The following CCSER1 variants were observed in gnomAD, a reference collection of about 807,000 sequenced individuals.
The protein encoded by CCSER1 is serine-rich coiled-coil domain-containing protein 1.
CCSER1 carries 41 observed loss-of-function variants against 82.0 expected under a neutral mutation model. That is an observed-to-expected ratio of 0.50 (90% CI 0.39 to 0.65). CCSER1 has a LOEUF of 0.65. CCSER1 is among the 30% of genes least tolerant of loss of function. The pLI, the probability that CCSER1 is intolerant of heterozygous loss-of-function variation, is 0.00. For synonymous variants in CCSER1, 414 were observed against 383.9 expected (o/e 1.08, Z -0.92); for missense variants, 1,119 against 1,064.2 (o/e 1.05, Z -0.72).
chr4:90,988,334 C>CAAAAAAAAAAAAA (rs60408059), intron 9 of CCSER1, among the ~76,000 whole-genome samples: 3 of 75,384 alleles, frequency 4.0e-5, no homozygotes, highest in African/African-American at 5.8e-5. Context: ...TATCTTGTCT[C>CAAAAAAAAAAAAA]AAAAAAAAAA....
At chr4:91,250,776 T>A (rs1254853492) in intron 10 of CCSER1, among the ~76,000 whole-genome samples, 1 of 152,024 alleles carries the variant, frequency 6.6e-6, no homozygotes, top group East Asian at 1.9e-4. Context: ...GTGAGTGGTA[T>A]TGGAAATTAT....
chr4:91,015,250 A>G (rs1176504198), intron 9 of CCSER1: 1 of 152,114 alleles, frequency 6.6e-6, no homozygotes, highest in African/African-American at 2.4e-5. Context: ...GTGCTTTATT[A>G]TATTAGTACA....
At chr4:91,222,309 G>A (rs929074705) in intron 10 of CCSER1, among the ~76,000 whole-genome samples, 2 of 151,744 alleles carry the variant, frequency 1.3e-5, no homozygotes, top group African/African-American at 4.8e-5. Context: ...AGCCATAATC[G>A]CCACCCTTGA....
chr4:91,408,768 T>A (rs2149368866), intron 10 of CCSER1, among the ~76,000 whole-genome samples: 1 of 152,322 alleles, frequency 6.6e-6, no homozygotes, highest in South Asian at 2.1e-4. Flanking sequence ...AGGAAAATGT[T>A]ATATATCACA....
chr4:90,285,772 G>A (rs567033119), intron 1 of CCSER1, among the ~76,000 whole-genome samples: 8 of 152,028 alleles, frequency 5.3e-5, no homozygotes, highest in African/African-American at 1.9e-4. Flanking sequence ...AGCTAGTTGT[G>A]GATTTGTCAT....
intron 10 of CCSER1, among the ~76,000 whole-genome samples, chr4:91,459,367 A>G (rs1756373905): frequency 6.6e-6 from 1 of 152,152 alleles, no homozygotes; most frequent in African/African-American, 2.4e-5. Context: ...ATATATGTAT[A>G]TAGGCATGAG....
chr4:91,071,608 T>G (rs996061719), intron 9 of CCSER1, among the ~76,000 whole-genome samples: 21 of 152,186 alleles, frequency 1.4e-4, no homozygotes, highest in Non-Finnish European at 2.9e-4. Context: ...CAAATAATCA[T>G]AATCTAGCTA....
intron 1 of CCSER1, among the ~76,000 whole-genome samples, chr4:90,186,237 C>A (rs929975519): frequency 5.9e-5 from 9 of 151,966 alleles, no homozygotes; most frequent in Admixed American, 5.3e-4. Context: ...TGTGTCCCTT[C>A]TCTCATAAAA....
Position 91,604,912 on chromosome 4 carries a change from A to G in CCSER1, c.*5855A>G, listed in dbSNP as rs1288276360. On this transcript the variant is annotated 3_prime_UTR_variant, in exon 11 of 11. Coordinates refer to ENST00000509176, the MANE Select transcript of CCSER1 (RefSeq NM_001145065.2). Reference sequence around the variant, plus strand: ...ATCCTGTCATGAGTTCTCTCTTCCAAAAAAGAATGCAAGAGAATTGATTAT... The same window carrying G: ...ATCCTGTCATGAGTTCTCTCTTCCAGAAAAGAATGCAAGAGAATTGATTAT... The G allele has an allele frequency of 1.3e-5, 2 of 151,944 alleles. No individual in the cohort carries two copies. The highest frequency in any genetic ancestry group is 2.9e-5 in the Non-Finnish European group (2 of 67,914). 9.4% of individuals were successfully genotyped at this position (151,944 alleles called of 1,614,324 possible).
chr4:90,918,773 ACAC>A (rs1427351932), intron 8 of CCSER1, among the ~76,000 whole-genome samples: 14 of 151,700 alleles, frequency 9.2e-5, no homozygotes, highest in Middle Eastern at 3.4e-3. Flanking sequence ...ACACACACAC[ACAC>A]AAACACACAC....
At chr4:90,264,175 C>T (rs1055366253) in intron 1 of CCSER1, among the ~76,000 whole-genome samples, 3 of 152,168 alleles carry the variant, frequency 2.0e-5, no homozygotes, top group Non-Finnish European at 2.9e-5. Flanking sequence ...CTATTCTTGT[C>T]AATATTCTCT....
chr4:90,666,336 A>C (rs983230887), intron 6 of CCSER1, among the ~76,000 whole-genome samples: 2 of 152,144 alleles, frequency 1.3e-5, no homozygotes, highest in African/African-American at 4.8e-5. Flanking sequence ...GCTTGACACC[A>C]TGGGCATAAA....
At chr4:91,176,533 A>C (rs1326958771) in intron 10 of CCSER1, among the ~76,000 whole-genome samples, 1 of 152,174 alleles carries the variant, frequency 6.6e-6, no homozygotes, top group African/African-American at 2.4e-5. Flanking sequence ...GAGGTCCTTC[A>C]CATCCCTTGT....
At chr4:90,159,768 T>C (rs898631713) in intron 1 of CCSER1, among the ~76,000 whole-genome samples, 1 of 152,256 alleles carries the variant, frequency 6.6e-6, no homozygotes, top group African/African-American at 2.4e-5. Flanking sequence ...CATTTTAATA[T>C]AGTTACCTCC....
chr4:91,158,163 G>T (rs1370948844), intron 10 of CCSER1, among the ~76,000 whole-genome samples: 2 of 151,988 alleles, frequency 1.3e-5, no homozygotes, highest in South Asian at 2.1e-4. Flanking sequence ...AGCAGGAAAA[G>T]AACAGTATTT....
Position 90,845,311 on chromosome 4 carries a change from T to TA in CCSER1, c.2094+29467dup, listed in dbSNP as rs1763084679. 2.8e-5 allele frequency among the ~76,000 whole-genome samples: 4 copies of TA among 143,576 alleles called. No homozygotes were observed. In the South Asian group the frequency reaches 8.6e-4, roughly 31 times the overall value. The allele number at this position is 143,576 out of a possible 152,430, so 94.2% of individuals were successfully genotyped here. A position where few individuals can be genotyped will look rare whatever the true frequency, so the allele number is the denominator to read the frequency against. ...TGGGAGGCAGAGGTTGCAGTGAACC[T>TA]AGATGGTGCCACTGTACTCCAGCCT... On this transcript the variant is annotated intron_variant, in intron 8 of 10. Coordinates refer to ENST00000509176, the MANE Select transcript of CCSER1 (RefSeq NM_001145065.2).
At chr4:90,514,691 G>A (rs1772010701) in intron 5 of CCSER1, among the ~76,000 whole-genome samples, 2 of 152,026 alleles carry the variant, frequency 1.3e-5, no homozygotes, top group African/African-American at 4.8e-5. Context: ...AGGAGGCGGA[G>A]GTTACAGTGA....
intron 8 of CCSER1, among the ~76,000 whole-genome samples, chr4:90,896,699 C>T (rs915029480): frequency 6.6e-6 from 1 of 151,824 alleles, no homozygotes; most frequent in Non-Finnish European, 1.5e-5. Flanking sequence ...AACTGGTACA[C>T]ACATTTTATT....
At chr4:90,856,101 A>T (rs2149959250) in intron 8 of CCSER1, among the ~76,000 whole-genome samples, 1 of 152,234 alleles carries the variant, frequency 6.6e-6, no homozygotes, top group Admixed American at 6.5e-5. Flanking sequence ...ATACACATTC[A>T]ACTCAATTTG....
Sources: gnomAD v4.1 joint callset for allele counts (sites outside exome capture counted in the v4.1 genomes callset) on GRCh38, gnomAD v4.1.1 for gene constraint, MANE v1.5 for transcripts, NCBI Gene and HGNC (gene_info 2026-07-23, HGNC 2026-07-21) for gene names.